BNC2: variants seen among roughly 807,000 people sequenced by gnomAD.
BNC2 encodes basonuclin zinc finger protein 2.
BNC2 carries 20 observed loss-of-function variants against 76.3 expected under a neutral mutation model. That is an observed-to-expected ratio of 0.26 (90% CI 0.18 to 0.38). The LOEUF is 0.38. Among genes scored for constraint, BNC2 ranks in the 10% least tolerant of loss-of-function variants. The probability of loss-of-function intolerance (pLI) is 1.00; values close to 1 mark genes in which losing one functional copy is unlikely to be tolerated. For missense variants in BNC2, 1,382 were observed against 1,399.8 expected, an observed-to-expected ratio of 0.99 and a Z score of 0.20; for synonymous variants, 582 against 514.8, an observed-to-expected ratio of 1.13 and a Z score of -1.77.
intron 1 of BNC2, among the ~76,000 whole-genome samples, chr9:16,748,921 A>AGTATATATATAT: frequency 1.3e-4 from 2 of 15,582 alleles, no homozygotes; most frequent in African/African-American, 9.7e-4. Flanking sequence ...CACTTTTTAT[A>AGTATATATATAT]CTATATATAT....
At chr9:16,659,246 G>C (rs564596278) in intron 3 of BNC2, among the ~76,000 whole-genome samples, 4 of 152,088 alleles carry the variant, frequency 2.6e-5, no homozygotes, top group Non-Finnish European at 5.9e-5. Context: ...CATGTAAAAG[G>C]GCTCTCCGTT....
chr9:16,794,302 C>T (rs894221974), intron 1 of BNC2, among the ~76,000 whole-genome samples: 2 of 152,188 alleles, frequency 1.3e-5, no homozygotes, highest in Non-Finnish European at 2.9e-5. Context: ...AATCACATGA[C>T]TGCTCGTAAA....
At chr9:16,658,571 A>G (rs1177414756) in intron 3 of BNC2, among the ~76,000 whole-genome samples, 2 of 152,234 alleles carry the variant, frequency 1.3e-5, no homozygotes, top group African/African-American at 4.8e-5. Context: ...AGCCACAATT[A>G]GAGGGAACAG....
chr9:16,714,786 C>T (rs1361743106), intron 3 of BNC2, among the ~76,000 whole-genome samples: 1 of 152,146 alleles, frequency 6.6e-6, no homozygotes, highest in African/African-American at 2.4e-5. Context: ...ACAGGATGAC[C>T]TTCAATTTGA....
At chr9:16,817,155 T>TC (rs1818205322) in intron 1 of BNC2, among the ~76,000 whole-genome samples, 1 of 152,196 alleles carries the variant, frequency 6.6e-6, no homozygotes, top group South Asian at 2.1e-4. Context: ...CTGGAAGGGA[T>TC]CTCAGGTAAC....
At chr9:16,802,230 A>T (rs1817801756) in intron 1 of BNC2, among the ~76,000 whole-genome samples, 1 of 152,140 alleles carries the variant, frequency 6.6e-6, no homozygotes. Flanking sequence ...CATGAAGAAG[A>T]GAGATAGTAA....
At chr9:16,820,896 G>T (rs2135942738) in intron 1 of BNC2, among the ~76,000 whole-genome samples, 1 of 152,128 alleles carries the variant, frequency 6.6e-6, no homozygotes, top group South Asian at 2.1e-4. Flanking sequence ...CCTAACCAGG[G>T]CAATGATGGC....
chr9:16,456,606 C>T (rs1243801711), intron 5 of BNC2, among the ~76,000 whole-genome samples: 2 of 151,998 alleles, frequency 1.3e-5, no homozygotes, highest in African/African-American at 2.4e-5. Flanking sequence ...CCAGCAGCCA[C>T]TCCTGCATCC....
intron 5 of BNC2, among the ~76,000 whole-genome samples, chr9:16,442,553 T>G (rs1214114266): frequency 6.6e-6 from 1 of 152,150 alleles, no homozygotes; most frequent in Non-Finnish European, 1.5e-5. Context: ...TTTCCCTTAT[T>G]GGGAAAGAGG....
At chr9:16,620,197 G>C (rs1004904300) in intron 3 of BNC2, among the ~76,000 whole-genome samples, 1 of 152,150 alleles carries the variant, frequency 6.6e-6, no homozygotes, top group Non-Finnish European at 1.5e-5. Flanking sequence ...CAAAGGGAGA[G>C]AAAAAATCAT....
intron 5 of BNC2, among the ~76,000 whole-genome samples, chr9:16,487,778 C>A (rs748960664): frequency 2.0e-5 from 3 of 152,182 alleles, no homozygotes; most frequent in Non-Finnish European, 4.4e-5. Context: ...ATAAACATTT[C>A]TCTGGGTCCC....
At chr9:16,462,540 G>C (rs915054729) in intron 5 of BNC2, among the ~76,000 whole-genome samples, 43 of 151,994 alleles carry the variant, frequency 2.8e-4, no homozygotes, top group African/African-American at 8.7e-4. Flanking sequence ...AAAAGTAAGA[G>C]AAAAAAAGCC....
At chr9:16,820,830 A>C (rs1219630088) in intron 1 of BNC2, among the ~76,000 whole-genome samples, 1 of 152,164 alleles carries the variant, frequency 6.6e-6, no homozygotes, top group East Asian at 1.9e-4. Context: ...CTAAAAGTTT[A>C]AAGTGGATTA....
intron 3 of BNC2, among the ~76,000 whole-genome samples, chr9:16,706,016 T>A (rs1823659175): frequency 6.6e-6 from 1 of 152,220 alleles, no homozygotes; most frequent in Non-Finnish European, 1.5e-5. Context: ...CCAAGCAACA[T>A]AACTGACAAG....
In BNC2 at chr9:16,419,018, T is replaced by A. The variant is rs955832729; in HGVS notation, c.3271A>T (p.Lys1091Ter). The A allele has an allele frequency of 5.0e-6, 8 of 1,614,052 alleles. No individual in the cohort carries two copies. The African/African-American group carries it at 9.3e-5, about 19-fold the overall frequency. ...NRHSQNPNLH[K>*]NIPFTSVD is the part of the protein sequence containing the mutation. ...TCTACTGAAGTGAAGGGAATGTTTT[T>A]GTGGAGATTAGGGTTCTGACTGTGC... Residue 1091 changes from lysine to a stop codon, truncating the protein, a stop_gained, in exon 7 of 7, where the codon AAA becomes TAA. Coordinates refer to ENST00000380672, the MANE Select transcript of BNC2 (RefSeq NM_017637.6). LOFTEE classifies it high-confidence loss of function.
intron 3 of BNC2, chr9:16,625,674 T>C (rs1465323728): frequency 6.6e-6 from 1 of 152,198 alleles, no homozygotes; most frequent in Non-Finnish European, 1.5e-5. Flanking sequence ...TCACTAACTC[T>C]CTAGATAGTG....
intron 3 of BNC2, among the ~76,000 whole-genome samples, chr9:16,667,926 C>T (rs1483653182): frequency 1.3e-5 from 2 of 152,164 alleles, no homozygotes; most frequent in African/African-American, 4.8e-5. Context: ...AACTCCATCC[C>T]CTTTTTAAAT....
intron 5 of BNC2, among the ~76,000 whole-genome samples, chr9:16,550,560 C>T (rs546687196): frequency 2.6e-5 from 4 of 152,352 alleles, no homozygotes; most frequent in African/African-American, 9.6e-5. Context: ...TTTATGTTTA[C>T]TCCTATCAAA....
Position 16,437,070 on chromosome 9 carries a change from G to C in BNC2, c.1124C>G (p.Pro375Arg). Reference sequence around the variant, plus strand: ...ATTGGGTGTTTGATCATTCTTATAAGGTGTGGGAGAAACTTCGGATTCGCT... The same window carrying C: ...ATTGGGTGTTTGATCATTCTTATAACGTGTGGGAGAAACTTCGGATTCGCT... ...ESSESEVSPT[P>R]YKNDQTPNRN... Residue 375 changes from proline to arginine, a missense_variant, in exon 6 of 7, where the codon CCT becomes CGT. By Grantham distance (103) the Pro-to-Arg change is moderately radical. This residue lies in a region of BNC2 where 557 missense variants were observed against 540.9 expected (regional missense o/e 1.03). Coordinates refer to ENST00000380672, the MANE Select transcript of BNC2 (RefSeq NM_017637.6). The C allele has an allele frequency of 6.2e-7, 1 of 1,614,064 alleles. No homozygotes were observed. The highest frequency in any genetic ancestry group is 8.5e-7 in the Non-Finnish European group (1 of 1,180,012).
Sources: gnomAD v4.1 joint callset for allele counts (sites outside exome capture counted in the v4.1 genomes callset) on GRCh38, gnomAD v4.1.1 for gene constraint, gnomAD v4.1.1 regional missense constraint, MANE v1.5 for transcripts, NCBI Gene and HGNC (gene_info 2026-07-23, HGNC 2026-07-21) for gene names.